The following GRK4 variants were observed in gnomAD, a reference collection of about 807,000 sequenced individuals.
GRK4 encodes G protein-coupled receptor kinase 4, also known as G protein-coupled receptor kinase 2-like.
GRK4 carries 73 observed loss-of-function variants against 77.9 expected under a neutral mutation model. That is an observed-to-expected ratio of 0.94 (90% confidence interval 0.78 to 1.14). The LOEUF (loss-of-function observed/expected upper bound fraction) is 1.14, where lower values mean the gene tolerates loss of function less well. Among genes scored for constraint, GRK4 ranks in the 50% most tolerant of loss-of-function variants. GRK4 has a pLI of 0.00. For synonymous variants in GRK4, 257 were observed against 254.4 expected (o/e 1.01, Z -0.10); for missense variants, 729 against 700.2 (o/e 1.04, Z -0.46).
At chr4:2,987,047 G>A (rs1724608145) in intron 2 of GRK4, 12 of 478,274 alleles carry the variant, frequency 2.5e-5, no homozygotes, top group South Asian at 1.9e-4. Flanking sequence ...CATCACCACA[G>A]TCAATTTGAC....
At chr4:3,036,427 C>T (rs1396679181) in intron 13 of GRK4, among the ~76,000 whole-genome samples, 1 of 152,238 alleles carries the variant, frequency 6.6e-6, no homozygotes, top group East Asian at 1.9e-4. Flanking sequence ...CTGTGCTGAC[C>T]GTGGCCTTTG....
At chr4:2,978,309 G>A (rs1393391223) in intron 1 of GRK4, among the ~76,000 whole-genome samples, 1 of 152,228 alleles carries the variant, frequency 6.6e-6, no homozygotes, top group Non-Finnish European at 1.5e-5. Flanking sequence ...TAAAAACTTG[G>A]TCTGATAGGA....
At chr4:3,019,517 T>G in intron 8 of GRK4, 124 bp from the exon 9 acceptor site, 11 of 832,510 alleles carry the variant, frequency 1.3e-5, no homozygotes, top group Non-Finnish European at 1.9e-6. Context: ...CTCTGAAACA[T>G]ATAGTATTCA....
chr4:3,011,452 GAAGAT>G (rs1236790726), intron 7 of GRK4, among the ~76,000 whole-genome samples: 1 of 152,100 alleles, frequency 6.6e-6, no homozygotes, highest in Non-Finnish European at 1.5e-5. Flanking sequence ...CATTAAAAAA[GAAGAT>G]AAGAAAGACT....
Position 3,004,302 on chromosome 4 carries a change from C to T in GRK4, c.411C>T (p.Asn137=), listed in dbSNP as rs777607845. The change falls in exon 5 of 16, where the codon AAC becomes AAT. Residue 137 remains asparagine (N), a synonymous_variant. Transcript: ENST00000398052. ...TECRLGLKEE[N]PSKKAFEECT... ...GTAGATTGGGACTGAAGGAGGAGAA[C>T]CCTTCCAAAAAAGCCTTTGAGGAAT... is the stretch of plus-strand genomic sequence containing the variant. 4.5e-5 allele frequency: 72 copies of T among 1,612,910 alleles called. No individual in the cohort carries two copies. In the South Asian group the frequency reaches 7.1e-4, roughly 16 times the overall value.
At chr4:2,975,034 G>A (rs193223209) in intron 1 of GRK4, among the ~76,000 whole-genome samples, 2 of 152,316 alleles carry the variant, frequency 1.3e-5, no homozygotes, top group East Asian at 3.9e-4. Flanking sequence ...GCCGGGCGCG[G>A]TGGCTCTCGC....
intron 5 of GRK4, among the ~76,000 whole-genome samples, chr4:3,006,913 T>A (rs1731509152): frequency 6.6e-6 from 1 of 152,202 alleles, no homozygotes; most frequent in African/African-American, 2.4e-5. Context: ...TCATCTGGGA[T>A]GCCACAGAGG....
chr4:3,022,411 T>C lies in GRK4; in HGVS notation c.933-3T>C. 4 of 1,613,804 alleles carry C rather than the reference T, an allele frequency of 2.5e-6. No individual in the cohort carries two copies. Among genetic ancestry groups the C allele is most frequent in the Non-Finnish European group, 3.4e-6 (4 of 1,179,900 alleles). Reference sequence around the variant, plus strand: ...TTGGGCCTTTTGTTGTTGTTTCTTGTAGAGACTTGAAGCCTGAGAATATTC... The same window carrying C: ...TTGGGCCTTTTGTTGTTGTTTCTTGCAGAGACTTGAAGCCTGAGAATATTC... On this transcript the variant is annotated splice_polypyrimidine_tract_variant and splice_region_variant and intron_variant, in intron 9 of 15. Transcript: ENST00000398052.
rs535319892 is a variant in GRK4, at chr4:2,985,562, A to G, written c.148+954A>G. Among the ~76,000 whole-genome samples the G allele has an allele frequency of 8.5e-5, 13 of 152,130 alleles. 1 individual carries two copies. The South Asian group carries it at 2.1e-3, about 24-fold the overall frequency. On this transcript the variant is annotated intron_variant, in intron 2 of 15. Transcript: ENST00000398052. ...TTGAGAAAAAAAATTAATGAGGGAAAGAAAGAAAAAAGAAAAGAAAAATTT... is the reference window on the plus strand; with the variant it reads ...TTGAGAAAAAAAATTAATGAGGGAAGGAAAGAAAAAAGAAAAGAAAAATTT...
At chr4:2,990,901 A>C (rs1206245450) in intron 3 of GRK4, among the ~76,000 whole-genome samples, 1 of 152,086 alleles carries the variant, frequency 6.6e-6, no homozygotes, top group Non-Finnish European at 1.5e-5. Flanking sequence ...TACTGCTTTG[A>C]CTATCCTCGT....
intron 1 of GRK4, among the ~76,000 whole-genome samples, chr4:2,976,920 C>T (rs886442614): frequency 3.9e-5 from 6 of 152,064 alleles, no homozygotes; most frequent in African/African-American, 1.2e-4. Flanking sequence ...ATGACAGGCG[C>T]GAGCCACCGC....
At chr4:3,027,272 G>T (rs948135080) in intron 10 of GRK4, among the ~76,000 whole-genome samples, 1 of 152,144 alleles carries the variant, frequency 6.6e-6, no homozygotes, top group Admixed American at 6.5e-5. Context: ...GTCTCAAAAT[G>T]TGGAACTCAA....
intron 7 of GRK4, among the ~76,000 whole-genome samples, chr4:3,012,098 C>G (rs1414141575): frequency 6.6e-6 from 1 of 152,240 alleles, no homozygotes; most frequent in Admixed American, 6.5e-5. Flanking sequence ...CAGTGCCTGG[C>G]ACTCTTGTCT....
chr4:2,972,620 C>T (rs1719915092), intron 1 of GRK4, among the ~76,000 whole-genome samples: 1 of 151,992 alleles, frequency 6.6e-6, no homozygotes, highest in African/African-American at 2.4e-5. Context: ...CTGCAGTGTG[C>T]AGTGTGTGCT....
chr4:3,028,303 C>T (rs146320434), intron 11 of GRK4, among the ~76,000 whole-genome samples: 117 of 152,298 alleles, frequency 7.7e-4, no homozygotes, highest in Non-Finnish European at 1.2e-3. Context: ...CCAGTGTCCT[C>T]CCCTGTGCAC....
rs1438445075 is a variant in GRK4 at position 3,004,284 on chromosome 4, G to T, written c.393G>T (p.Leu131Phe). The stretch of plus-strand genomic sequence containing the variant: ...CAGATGTTGTGACAGAATGTAGATT[G>T]GGACTGAAGGAGGAGAACCCTTCCA... ...IPPDVVTECR[L>F]GLKEENPSKK... The change falls in exon 5 of 16, where the codon TTG becomes TTT. Residue 131 changes from leucine to phenylalanine, a missense_variant. Leu to Phe is a conservative substitution (Grantham distance 22). Transcript: ENST00000398052. 1 of 1,613,796 alleles carries T rather than the reference G, an allele frequency of 6.2e-7. No individual in the cohort carries two copies. Among genetic ancestry groups the T allele is most frequent in the Non-Finnish European group, 8.5e-7 (1 of 1,179,706 alleles).
chr4:3,015,614 G>A (rs1262223789), intron 8 of GRK4, among the ~76,000 whole-genome samples: 2 of 150,322 alleles, frequency 1.3e-5, no homozygotes, highest in Non-Finnish European at 2.9e-5. Context: ...GGCGGAGCTT[G>A]CAGTGAGCCA....
rs758360135 is a variant in GRK4, at chr4:3,007,828, G to T, written c.536G>T (p.Arg179Met). The change falls in exon 6 of 16, where the codon AGG (arginine) becomes ATG (methionine). Residue 179 changes from arginine (R) to methionine (M), a missense_variant and splice_region_variant. Physicochemically the swap from Arg to Met is moderately conservative, Grantham distance 91 (BLOSUM62 -1). Coordinates refer to ENST00000398052, the MANE Select transcript of GRK4 (RefSeq NM_182982.3). ...SQFLQWKWLE[R>M]QPVTKNTFRH... Reference sequence around the variant, plus strand: ...TTTTTACAATGGAAATGGCTGGAAAGGTATGTACTGATTTTAAACTTGATA... The same window carrying T: ...TTTTTACAATGGAAATGGCTGGAAATGTATGTACTGATTTTAAACTTGATA... 17 of 1,601,066 alleles carry T rather than the reference G, an allele frequency of 1.1e-5. No homozygotes were observed. The highest frequency in any genetic ancestry group is 1.5e-5 in the Non-Finnish European group (17 of 1,171,822).
intron 8 of GRK4, among the ~76,000 whole-genome samples, chr4:3,018,199 C>G (rs999697207): frequency 6.6e-6 from 1 of 151,928 alleles, no homozygotes; most frequent in Non-Finnish European, 1.5e-5. Context: ...GTATGAACCA[C>G]TGTGCCCGGC....
Sources: allele counts gnomAD v4.1 joint callset (sites outside exome capture counted in the v4.1 genomes callset), GRCh38; gene constraint gnomAD v4.1.1; transcripts MANE v1.5; gene names NCBI Gene and HGNC (gene_info 2026-07-23, HGNC 2026-07-21).